PTPRR: variants seen among roughly 807,000 people sequenced by gnomAD.
PTPRR encodes receptor-type tyrosine-protein phosphatase R.
Under a neutral mutation model 77.2 loss-of-function variants are expected in PTPRR, and 38 were observed. That is an observed-to-expected ratio of 0.49 (90% CI 0.38 to 0.65). The LOEUF (loss-of-function observed/expected upper bound fraction) is 0.65. Ranked by LOEUF, PTPRR falls within the 30% of genes least tolerant of loss-of-function variation. The pLI, the probability that PTPRR is intolerant of heterozygous loss-of-function variation, is 0.00. For synonymous variants in PTPRR, 299 were observed against 283.1 expected (o/e 1.06, Z -0.57); for missense variants, 744 against 799.2 (o/e 0.93, Z 0.83).
chr12:70,872,000 A>G (rs183813204), intron 2 of PTPRR, among the ~76,000 whole-genome samples: 3 of 152,310 alleles, frequency 2.0e-5, no homozygotes, highest in Non-Finnish European at 2.9e-5. Context: ...CTGTTCTTGT[A>G]AAAACAAACA....
chr12:70,879,436 T>C (rs1427518417), intron 2 of PTPRR, among the ~76,000 whole-genome samples: 1 of 151,786 alleles, frequency 6.6e-6, no homozygotes, highest in East Asian at 1.9e-4. Flanking sequence ...GAAATGTTCA[T>C]TGATTTTTCC....
intron 2 of PTPRR, among the ~76,000 whole-genome samples, chr12:70,853,838 A>T (rs1007633142): frequency 1.1e-4 from 16 of 152,236 alleles, no homozygotes; most frequent in African/African-American, 3.9e-4. Flanking sequence ...CTATAGATCA[A>T]TAAGTGGGAA....
Position 70,640,151 on chromosome 12 carries a change from T to C in PTPRR, c.1881-874A>G, listed in dbSNP as rs974635978. Among the ~76,000 whole-genome samples the C allele has an allele frequency of 3.9e-5, 6 of 152,060 alleles. No individual in the cohort carries two copies. The East Asian group carries it at 9.6e-4, about 24-fold the overall frequency. On this transcript the variant is annotated intron_variant, in intron 13 of 13. Transcript: ENST00000283228. ...TATACATAATACCTATATCACATTT[T>C]CCCCCTTCATAATTATGATCCTTTT... is the stretch of plus-strand genomic sequence containing the variant.
chr12:70,761,299 A>G (rs1013948670), intron 4 of PTPRR, among the ~76,000 whole-genome samples, 172 bp downstream of exon 4: 1 of 152,250 alleles, frequency 6.6e-6, no homozygotes, highest in African/African-American at 2.4e-5. Flanking sequence ...GCATTTCCTT[A>G]AGAAGTAAAC....
intron 1 of PTPRR, among the ~76,000 whole-genome samples, chr12:70,919,976 A>C (rs985646307): frequency 2.6e-5 from 4 of 152,080 alleles, no homozygotes; most frequent in African/African-American, 9.7e-5. Flanking sequence ...GGTTACATCT[A>C]GCAGGATGTC....
Position 70,874,340 on chromosome 12 carries a change from G to A in PTPRR, c.357+18339C>T, listed in dbSNP as rs567577343. Among the ~76,000 whole-genome samples, 31 of 152,276 alleles carry A rather than the reference G, an allele frequency of 2.0e-4. No homozygotes were observed. The South Asian group carries it at 5.4e-3, about 26-fold the overall frequency. Reference sequence around the variant, plus strand: ...AAGGAGACCACTGGAGTCAGGCACAGGTGGCGACCAAGATATTCAGAGAGA... The same window carrying A: ...AAGGAGACCACTGGAGTCAGGCACAAGTGGCGACCAAGATATTCAGAGAGA... On this transcript the variant is annotated intron_variant, in intron 2 of 13. Transcript: ENST00000283228.
intron 2 of PTPRR, among the ~76,000 whole-genome samples, chr12:70,854,407 TG>T (rs1892619705): frequency 6.6e-6 from 1 of 152,228 alleles, no homozygotes; most frequent in African/African-American, 2.4e-5. Context: ...CTCTATGCCA[TG>T]TGCCCTTTTC....
At chr12:70,861,245 T>G (rs4294640) in intron 2 of PTPRR, among the ~76,000 whole-genome samples, 131,195 of 152,068 alleles carry the variant, frequency 0.86, 56,974 homozygotes, top group African/African-American at 0.94. Context: ...GGGAGAAGAT[T>G]CCAGCTAAGG....
rs190368681 is a variant in PTPRR, at chr12:70,782,215, T to G, written c.358-17437A>C. Among the ~76,000 whole-genome samples the G allele has an allele frequency of 3.9e-5, 6 of 152,222 alleles. No homozygotes were observed. The East Asian group carries it at 1.2e-3, about 29-fold the overall frequency. On this transcript the variant is annotated intron_variant, in intron 2 of 13. Coordinates refer to ENST00000283228, the MANE Select transcript of PTPRR (RefSeq NM_002849.4). Reference sequence around the variant, plus strand: ...GGAGCCTGAGCACAGCTTAACAAAATAAATGTGTTTGTGTGTTCAGATGTT... The same window carrying G: ...GGAGCCTGAGCACAGCTTAACAAAAGAAATGTGTTTGTGTGTTCAGATGTT...
intron 13 of PTPRR, among the ~76,000 whole-genome samples, chr12:70,655,954 G>A (rs1886559552): frequency 6.6e-6 from 1 of 152,240 alleles, no homozygotes; most frequent in East Asian, 1.9e-4. Flanking sequence ...CCTTTCACCT[G>A]TAATCCCAGC....
At chr12:70,675,628 C>T (rs1887416482) in intron 10 of PTPRR, among the ~76,000 whole-genome samples, 1 of 151,866 alleles carries the variant, frequency 6.6e-6, no homozygotes, top group Non-Finnish European at 1.5e-5. Flanking sequence ...TTTCTTTGCT[C>T]ACTATTATTT....
At chr12:70,761,846 C>T (rs1227803232) in intron 3 of PTPRR, among the ~76,000 whole-genome samples, 1 of 152,122 alleles carries the variant, frequency 6.6e-6, no homozygotes, top group African/African-American at 2.4e-5. Context: ...TGCCACCCCC[C>T]AAGATTTGTA....
At chr12:70,848,587 G>C (rs1185083025) in intron 2 of PTPRR, among the ~76,000 whole-genome samples, 3 of 152,152 alleles carry the variant, frequency 2.0e-5, no homozygotes, top group Non-Finnish European at 4.4e-5. Context: ...GCCTCCCAAA[G>C]TGCTGGGATT....
At chr12:70,677,800 TA>T (rs770923269) in intron 10 of PTPRR, among the ~76,000 whole-genome samples, 7 of 152,242 alleles carry the variant, frequency 4.6e-5, no homozygotes, top group Non-Finnish European at 7.3e-5. Context: ...TATTGATTTT[TA>T]CTAATGGTTT....
At chr12:70,680,966 G>C (rs542292032) in intron 10 of PTPRR, among the ~76,000 whole-genome samples, 7 of 152,292 alleles carry the variant, frequency 4.6e-5, no homozygotes, top group African/African-American at 1.7e-4. Flanking sequence ...GGCCAGTTTG[G>C]ACTTGGTTTC....
chr12:70,750,592 G>A (rs766552808), intron 5 of PTPRR, among the ~76,000 whole-genome samples: 12 of 152,152 alleles, frequency 7.9e-5, no homozygotes, highest in Non-Finnish European at 1.0e-4. Context: ...CCCTAAACAT[G>A]AACTCTTGAC....
intron 1 of PTPRR, among the ~76,000 whole-genome samples, chr12:70,905,628 G>C (rs1268550340): frequency 1.3e-5 from 2 of 151,880 alleles, no homozygotes; most frequent in Non-Finnish European, 2.9e-5. Context: ...ACAAAGGAAA[G>C]AGAAATGAAT....
Position 70,741,613 on chromosome 12 carries a change from T to C in PTPRR, c.1007+4205A>G, listed in dbSNP as rs73341056. ...GAGTCCTGTCATGGGCTTTGTGTTC[T>C]AAAGGCCAGGACTTTGGTGGAAGGT... is the stretch of plus-strand genomic sequence containing the variant. On this transcript the variant is annotated intron_variant, in intron 6 of 13. Transcript: ENST00000283228. 7.8e-3 allele frequency among the ~76,000 whole-genome samples: 1,187 copies of C among 152,210 alleles called. 17 individuals carry two copies. Among genetic ancestry groups the C allele is most frequent in the African/African-American group, 0.027 (1,118 of 41,522 alleles).
chr12:70,876,714 T>A (rs1893057893), intron 2 of PTPRR, among the ~76,000 whole-genome samples: 1 of 152,186 alleles, frequency 6.6e-6, no homozygotes, highest in Non-Finnish European at 1.5e-5. Flanking sequence ...TGGGAGTTAT[T>A]TTGCATTTGG....
Sources: allele counts gnomAD v4.1 joint callset (sites outside exome capture counted in the v4.1 genomes callset), GRCh38; gene constraint gnomAD v4.1.1; transcripts MANE v1.5; gene names NCBI Gene and HGNC (gene_info 2026-07-23, HGNC 2026-07-21).